The following EHBP1 variants were observed in gnomAD, a reference collection of about 807,000 sequenced individuals.
EHBP1 encodes the protein EH domain binding protein 1.
EHBP1 carries 55 observed loss-of-function variants against 144.0 expected under a neutral mutation model. The ratio of observed to expected loss-of-function variants is 0.38; its 90% CI spans 0.31 to 0.48. The LOEUF is 0.48. Ranked by LOEUF, EHBP1 falls within the 20% of genes least tolerant of loss-of-function variation. EHBP1 has a pLI of 0.98. For synonymous variants in EHBP1, 469 were observed against 472.7 expected (o/e 0.99, Z 0.10); for missense variants, 1,200 against 1,364.2 (o/e 0.88, Z 1.90).
intron 10 of EHBP1, among the ~76,000 whole-genome samples, chr2:62,904,468 T>C (rs2053645167): frequency 6.6e-6 from 1 of 152,166 alleles, no homozygotes; most frequent in Admixed American, 6.5e-5. Context: ...ATTTAGGTAG[T>C]TTGCCCAAGG....
intron 10 of EHBP1, among the ~76,000 whole-genome samples, chr2:62,940,446 T>C (rs151322255): frequency 2.9e-4 from 44 of 152,312 alleles, no homozygotes; most frequent in African/African-American, 1.0e-3. Context: ...CTATGAGATA[T>C]GTACCGTTAT....
chr2:62,787,501 C>A (rs935086539), intron 5 of EHBP1, among the ~76,000 whole-genome samples: 1 of 148,100 alleles, frequency 6.8e-6, no homozygotes, highest in Non-Finnish European at 1.5e-5. Flanking sequence ...TAGTGTAATG[C>A]TGTTTAGAGT....
intron 3 of EHBP1, among the ~76,000 whole-genome samples, chr2:62,760,699 GA>G (rs2040698807): frequency 6.6e-6 from 1 of 152,152 alleles, no homozygotes; most frequent in South Asian, 2.1e-4. Context: ...CTAAGGGATA[GA>G]AGACTATTTT....
intron 3 of EHBP1, among the ~76,000 whole-genome samples, chr2:62,749,264 C>T (rs1270649261): frequency 6.6e-6 from 1 of 152,034 alleles, no homozygotes. Flanking sequence ...AGATAGTTTG[C>T]TGAGAGTGAT....
At chr2:62,872,469 A>G (rs1431944301) in intron 9 of EHBP1, among the ~76,000 whole-genome samples, 1 of 152,156 alleles carries the variant, frequency 6.6e-6, no homozygotes, top group East Asian at 1.9e-4. Context: ...ATTTATTTAT[A>G]TTTAAAATAT....
chr2:62,905,688 G>T (rs1322525128), intron 10 of EHBP1, among the ~76,000 whole-genome samples: 2 of 152,002 alleles, frequency 1.3e-5, no homozygotes, highest in East Asian at 1.9e-4. Flanking sequence ...GCCAGGCGTG[G>T]TGACACACGC....
At chr2:62,778,910 A>G (rs1279519414) in intron 5 of EHBP1, among the ~76,000 whole-genome samples, 2 of 152,036 alleles carry the variant, frequency 1.3e-5, no homozygotes, top group African/African-American at 4.8e-5. Flanking sequence ...TCTCACTTCA[A>G]TGTCTGGGGA....
chr2:62,681,340 G>GTATGTATATATATATATATATA (rs2033511254), intron 1 of EHBP1, among the ~76,000 whole-genome samples: 6 of 58,554 alleles, frequency 1.0e-4, no homozygotes, highest in Admixed American at 2.2e-4. Context: ...ATGTGTGTGT[G>GTATGTATATATATATATATATA]TATATATATA....
At chr2:62,864,624 C>T in intron 8 of EHBP1, 107 bp from the exon 9 acceptor site, 1 of 1,083,806 alleles carries the variant, frequency 9.2e-7, no homozygotes, top group Non-Finnish European at 1.3e-6. Flanking sequence ...TTCTCAGCCC[C>T]ATAGAGCTTA....
At chr2:62,719,975 G>A (rs1351435013) in intron 2 of EHBP1, among the ~76,000 whole-genome samples, 4 of 152,238 alleles carry the variant, frequency 2.6e-5, no homozygotes, top group East Asian at 3.9e-4. Flanking sequence ...TTTTTGCAAA[G>A]CTGGGGTTTT....
intron 10 of EHBP1, among the ~76,000 whole-genome samples, chr2:62,886,413 A>G (rs1331392350): frequency 6.6e-6 from 1 of 152,200 alleles, no homozygotes; most frequent in Admixed American, 6.5e-5. Flanking sequence ...AGGTAATCTT[A>G]CTTTACCTGT....
chr2:62,841,845 C>G (rs2047906257), intron 7 of EHBP1, among the ~76,000 whole-genome samples: 1 of 152,042 alleles, frequency 6.6e-6, no homozygotes, highest in Non-Finnish European at 1.5e-5. Context: ...AGTACTACCA[C>G]TCACCTTCTA....
chr2:62,821,366 GA>G (rs1424705799), intron 5 of EHBP1, among the ~76,000 whole-genome samples: 1 of 152,072 alleles, frequency 6.6e-6, no homozygotes, highest in African/African-American at 2.4e-5. Context: ...GAATAATTTG[GA>G]CAAGAAATGT....
chr2:62,797,308 A>C (rs1052405572), intron 5 of EHBP1, among the ~76,000 whole-genome samples: 1 of 152,240 alleles, frequency 6.6e-6, no homozygotes, highest in African/African-American at 2.4e-5. Flanking sequence ...CACACTAGAC[A>C]CATCCCAGCC....
At chr2:62,914,523 A>T (rs2054460110) in intron 10 of EHBP1, among the ~76,000 whole-genome samples, 1 of 152,094 alleles carries the variant, frequency 6.6e-6, no homozygotes, top group Non-Finnish European at 1.5e-5. Context: ...TTTGAAATGT[A>T]TAATCTCCCC....
chr2:62,912,172 A>G (rs1470779256), intron 10 of EHBP1, among the ~76,000 whole-genome samples: 2 of 152,194 alleles, frequency 1.3e-5, no homozygotes, highest in African/African-American at 4.8e-5. Context: ...CAAGATAGTC[A>G]TCAGAGAGTC....
In EHBP1 at chr2:62,826,197, A is replaced by G. The variant is rs2046334057; in HGVS notation, c.423A>G (p.Leu141=). 1 of 1,611,944 alleles carries G rather than the reference A, an allele frequency of 6.2e-7. No homozygotes were observed. Among genetic ancestry groups the G allele is most frequent in the Non-Finnish European group, 8.5e-7 (1 of 1,179,048 alleles). The change falls in exon 6 of 23, where the codon TTA becomes TTG. Residue 141 remains leucine (L), a synonymous_variant. Coordinates refer to ENST00000431489, the MANE Select transcript of EHBP1 (RefSeq NM_001142616.3). The part of the protein sequence containing the change: ...QTDVKLKFKP[L]SKKVVSAALQ... ...ATGTCAAGTTAAAATTCAAGCCATT[A>G]TCTAAAAAAGTTGTATCTGCCGCTC... is the stretch of plus-strand genomic sequence containing the variant.
chr2:62,718,908 C>T (rs1420690516), intron 2 of EHBP1, among the ~76,000 whole-genome samples: 1 of 151,702 alleles, frequency 6.6e-6, no homozygotes, highest in African/African-American at 2.4e-5. Context: ...CATTTAAAGA[C>T]AAGACTGGTT....
chr2:62,812,365 TG>T (rs978433980), intron 5 of EHBP1, among the ~76,000 whole-genome samples: 1 of 151,938 alleles, frequency 6.6e-6, no homozygotes, highest in African/African-American at 2.4e-5. Context: ...AATGTGAAAG[TG>T]GTTTTGGAGC....
Sources: allele counts gnomAD v4.1 joint callset (sites outside exome capture counted in the v4.1 genomes callset), GRCh38; gene constraint gnomAD v4.1.1; transcripts MANE v1.5; gene names NCBI Gene and HGNC (gene_info 2026-07-23, HGNC 2026-07-21).